ARB2A: variants seen among roughly 807,000 people sequenced by gnomAD.
The protein encoded by ARB2A is ARB2 cotranscriptional regulator A.
At chr5:93,784,027 C>T in the ARB2A span, among the ~76,000 whole-genome samples, 1 of 152,118 alleles carries the variant, frequency 6.6e-6, no homozygotes, top group Admixed American at 6.5e-5. Context: ...ATGCGTCTTT[C>T]TTGTAACTAA....
the ARB2A span, among the ~76,000 whole-genome samples, chr5:94,094,574 A>AT: frequency 6.6e-6 from 1 of 152,160 alleles, no homozygotes; most frequent in Non-Finnish European, 1.5e-5. Context: ...TAGTCTTGAT[A>AT]TTTTCCCCAA....
At chr5:93,674,972 G>T in the ARB2A span, among the ~76,000 whole-genome samples, 12 of 152,036 alleles carry the variant, frequency 7.9e-5, no homozygotes, top group African/African-American at 2.9e-4. Context: ...ATGTCTCTTG[G>T]TTCAAACTCA....
the ARB2A span, among the ~76,000 whole-genome samples, chr5:94,002,558 G>T: frequency 1.3e-5 from 2 of 151,912 alleles, no homozygotes; most frequent in Non-Finnish European, 2.9e-5. Context: ...CAACTTTGGG[G>T]TTAGCAATTT....
chr5:94,000,763 T>C, the ARB2A span, among the ~76,000 whole-genome samples: 2 of 152,142 alleles, frequency 1.3e-5, no homozygotes, highest in Non-Finnish European at 2.9e-5. Flanking sequence ...CTTTATCTTC[T>C]AGAAGTTTTG....
the ARB2A span, chr5:93,733,803 T>C: frequency 6.6e-6 from 1 of 152,242 alleles, no homozygotes; most frequent in East Asian, 1.9e-4. Context: ...TTAATTGCAA[T>C]GGTTTTGTAG....
the ARB2A span, among the ~76,000 whole-genome samples, chr5:94,106,779 C>T: frequency 2.7e-5 from 4 of 148,790 alleles, no homozygotes; most frequent in African/African-American, 5.0e-5. Flanking sequence ...ATATACACCA[C>T]GGAACACCAC....
At chr5:93,856,862 T>C in the ARB2A span, among the ~76,000 whole-genome samples, 4 of 152,202 alleles carry the variant, frequency 2.6e-5, no homozygotes, top group South Asian at 8.3e-4. Context: ...GGTGCTCTGC[T>C]TTTTAGAGTT....
the ARB2A span, chr5:93,805,609 C>T: frequency 1.0e-6 from 1 of 985,174 alleles, no homozygotes; most frequent in African/African-American, 1.7e-5. Context: ...TTCTCACCAA[C>T]TACTGAATTA....
the ARB2A span, among the ~76,000 whole-genome samples, chr5:94,043,947 A>T: frequency 6.6e-6 from 1 of 152,260 alleles, no homozygotes; most frequent in Non-Finnish European, 1.5e-5. Context: ...TTTAGTAAAA[A>T]TGGAAAACTT....
At chr5:93,842,062 T>C in the ARB2A span, among the ~76,000 whole-genome samples, 3 of 152,294 alleles carry the variant, frequency 2.0e-5, no homozygotes, top group East Asian at 5.8e-4. Context: ...CACAAAAGAC[T>C]ACATGCAATA....
At chr5:93,644,504 TG>T in the ARB2A span, among the ~76,000 whole-genome samples, 1 of 152,126 alleles carries the variant, frequency 6.6e-6, no homozygotes, top group Non-Finnish European at 1.5e-5. Flanking sequence ...TGTTGATCAA[TG>T]GGGAATAAGA....
the ARB2A span, among the ~76,000 whole-genome samples, chr5:94,017,514 T>A: frequency 2.0e-5 from 3 of 152,218 alleles, no homozygotes; most frequent in Non-Finnish European, 2.9e-5. Context: ...GGAATGGATA[T>A]GGTATCTGAT....
the ARB2A span, among the ~76,000 whole-genome samples, chr5:93,810,026 C>A: frequency 1.1e-4 from 16 of 151,956 alleles, no homozygotes; most frequent in Non-Finnish European, 2.2e-4. Context: ...GTGCTTCTTG[C>A]TTTTAAAAGC....
At chr5:93,852,491 G>A in the ARB2A span, among the ~76,000 whole-genome samples, 1 of 152,084 alleles carries the variant, frequency 6.6e-6, no homozygotes, top group Non-Finnish European at 1.5e-5. Context: ...GGCTTTTGTT[G>A]CCATTGCTTT....
the ARB2A span, among the ~76,000 whole-genome samples, chr5:93,975,234 G>A: frequency 2.7e-5 from 4 of 150,272 alleles, no homozygotes; most frequent in Admixed American, 1.3e-4. Flanking sequence ...GGAGAATCCT[G>A]TGAACCCGGG....
chr5:93,621,901 G>A, the ARB2A span, among the ~76,000 whole-genome samples: 5 of 152,152 alleles, frequency 3.3e-5, no homozygotes, highest in African/African-American at 9.7e-5. Flanking sequence ...AGAGCATCTA[G>A]GCCTCCCATT....
At chr5:94,101,043 A>T in the ARB2A span, among the ~76,000 whole-genome samples, 1 of 151,906 alleles carries the variant, frequency 6.6e-6, no homozygotes, top group Admixed American at 6.6e-5. Flanking sequence ...TCAGATGCAT[A>T]GTTGGCAAAA....
At chr5:94,038,188 T>A in the ARB2A span, among the ~76,000 whole-genome samples, 1 of 152,080 alleles carries the variant, frequency 6.6e-6, no homozygotes, top group Admixed American at 6.5e-5. Context: ...AATTCAGTAC[T>A]GGCATGAAAG....
chr5:93,633,198 GT>G, the ARB2A span, among the ~76,000 whole-genome samples: 1 of 152,102 alleles, frequency 6.6e-6, no homozygotes, highest in Non-Finnish European at 1.5e-5. Flanking sequence ...CCTCATGAAA[GT>G]TTTTTTCTTC....
Sources: allele counts gnomAD v4.1 joint callset (sites outside exome capture counted in the v4.1 genomes callset), GRCh38; gene constraint gnomAD v4.1.1; transcripts MANE v1.5; gene names NCBI Gene and HGNC (gene_info 2026-07-23, HGNC 2026-07-21).